TLE7: variants seen among roughly 807,000 people sequenced by gnomAD.
The protein encoded by TLE7 is TLE family member 7, also known as transducin-like enhancer protein 7.
chr16:71,440,402 C>A (rs1291542608), intron 1 of TLE7, among the ~76,000 whole-genome samples: 1 of 152,138 alleles, frequency 6.6e-6, no homozygotes, highest in African/African-American at 2.4e-5. Flanking sequence ...CACTTGAACC[C>A]AGGAGGCAGA....
chr16:71,431,169 G>A lies in TLE7; in HGVS notation c.1099C>T (p.Leu367Phe). ...HTRRNEQFKA[L>F]MKKYTRHHSL... ...TGGTGGCGGGTGTATTTTTTCATGA[G>A]AGCCTTAAACTGCTCATTCCGACGA... is the stretch of plus-strand genomic sequence containing the variant. The change falls in exon 8 of 10, where the codon CTC becomes TTC. Residue 367 changes from leucine to phenylalanine, a missense_variant. Transcript: ENST00000561754. This position sits in a 1 kb window ranked among gnomAD's most constrained non-coding sequence, Gnocchi z 4.5. 2.5e-6 allele frequency: 1 copy of A among 400,714 alleles called. No homozygotes were observed. The highest frequency in any genetic ancestry group is 3.6e-5 in the East Asian group (1 of 28,068). The allele number at this position is 400,714 out of a possible 1,614,324, so 24.8% of individuals were successfully genotyped here.
rs894964004 is a variant in TLE7, at chr16:71,430,271, G to C, written c.1317C>G (p.Leu439=). ...GSSSSATIYQ[L]LY ...CCATGGCATGCCACCTTTAATACAA[G>C]AGCTGGTAGATGGTGGCACTGCTGC... The change falls in exon 10 of 10, where the codon CTC becomes CTG. Residue 439 remains leucine (L), a synonymous_variant. Coordinates refer to ENST00000561754, the MANE Select transcript of TLE7 (RefSeq NM_001367365.2). The C allele has an allele frequency of 7.5e-5, 30 of 398,686 alleles. No individual in the cohort carries two copies. Among genetic ancestry groups the C allele is most frequent in the Middle Eastern group, 6.3e-4 (1 of 1,590 alleles). The allele number at this position is 398,686 out of a possible 1,614,324, so 24.7% of individuals were successfully genotyped here.
intron 1 of TLE7, 113 bp from the exon 2 acceptor site, chr16:71,433,533 C>T (rs557928070): frequency 2.6e-6 from 1 of 391,896 alleles, no homozygotes; most frequent in South Asian, 1.4e-4. Context: ...TGGTTGCCAA[C>T]TAGCTTTTCA....
intron 1 of TLE7, among the ~76,000 whole-genome samples, chr16:71,440,240 T>G (rs2145047967): frequency 6.6e-6 from 1 of 152,310 alleles, no homozygotes; most frequent in South Asian, 2.1e-4. Flanking sequence ...GGAATTCCTT[T>G]TGGGATGACA....
intron 1 of TLE7, among the ~76,000 whole-genome samples, chr16:71,438,424 CAAAA>C (rs11383356): frequency 2.4e-5 from 2 of 83,038 alleles, no homozygotes; most frequent in Non-Finnish European, 2.3e-5. Flanking sequence ...GACTCCATCT[CAAAA>C]AAAAAAAAAA....
chr16:71,437,509 T>G (rs1378877611), intron 1 of TLE7, among the ~76,000 whole-genome samples: 3 of 151,270 alleles, frequency 2.0e-5, no homozygotes, highest in Non-Finnish European at 3.0e-5. Flanking sequence ...TCAGTAGGCA[T>G]GGGTGGGGCC....
chr16:71,432,619 G>A (rs2042810604), intron 4 of TLE7, 46 bp downstream of exon 4: 2 of 398,800 alleles, frequency 5.0e-6, no homozygotes, highest in East Asian at 7.1e-5. Context: ...CTTGATTGGG[G>A]GTAGGTGGGA....
In TLE7 at chr16:71,431,203, G is replaced by T. The variant is rs1024712892; in HGVS notation, c.1065C>A (p.Phe355Leu). The T allele has an allele frequency of 7.5e-6, 3 of 400,528 alleles. No individual in the cohort carries two copies. The highest frequency in any genetic ancestry group is 1.3e-5 in the Non-Finnish European group (3 of 226,262). 24.8% of individuals were successfully genotyped at this position (400,528 alleles called of 1,614,324 possible). A position where few individuals can be genotyped will look rare whatever the true frequency, so the allele number is the denominator to read the frequency against. Residue 355 changes from phenylalanine (F) to leucine (L), a missense_variant, in exon 8 of 10, where the codon TTC becomes TTA. Transcript: ENST00000561754. The surrounding 1 kb of genome is among the most constrained non-coding windows in gnomAD (Gnocchi z 4.5). ...LAGLRTSDIV[F>L]LHTRRNEQFK... ...ACTGCTCATTCCGACGAGTGTGAAG[G>T]AACACGATATCACTCGTTCTCAGGC... is the stretch of plus-strand genomic sequence containing the variant.
intron 1 of TLE7, among the ~76,000 whole-genome samples, chr16:71,434,217 ATCAC>A (rs1444707419): frequency 1.3e-5 from 2 of 152,162 alleles, no homozygotes; most frequent in Non-Finnish European, 1.5e-5. Flanking sequence ...ACTGGATGCA[ATCAC>A]TCAAGTAGAA....
intron 1 of TLE7, among the ~76,000 whole-genome samples, chr16:71,440,494 A>G (rs2042843044): frequency 6.6e-6 from 1 of 151,950 alleles, no homozygotes; most frequent in Admixed American, 6.5e-5. Flanking sequence ...AAAAAAAAAT[A>G]GCTAAAGTGT....
chr16:71,430,758 C>A lies in TLE7; in HGVS notation c.1148-17G>T, dbSNP rs1461566604. 1 of 398,528 alleles carries A rather than the reference C, an allele frequency of 2.5e-6. No homozygotes were observed. The highest frequency in any genetic ancestry group is 2.1e-5 in the African/African-American group (1 of 48,734). The allele number at this position is 398,528 out of a possible 1,614,324, so 24.7% of individuals were successfully genotyped here. On this transcript the variant is annotated splice_polypyrimidine_tract_variant and intron_variant, in intron 8 of 9. Transcript: ENST00000561754. ...AATAGCTCCCTGGTGAAGGAACGAA[C>A]AGGTGAGAGGCCAGAGACCAATCCT...
At position 71,431,967 on chromosome 16, in the gene TLE7, G is replaced by C. The variant is rs553963009; in HGVS notation, c.645C>G (p.Phe215Leu). Reference protein sequence around the residue: ...PQDRVVTCKLFPDERSLITGG... With the variant: ...PQDRVVTCKLLPDERSLITGG... The stretch of plus-strand genomic sequence containing the variant: ...CTGTGATCAGGCTCCGCTCATCAGG[G>C]AACAGCTTGCAGGTAACAACACGGT... Residue 215 changes from phenylalanine to leucine, a missense_variant, in exon 6 of 10, where the codon TTC (phenylalanine) becomes TTG (leucine). Phe to Leu is a conservative substitution (Grantham distance 22). Transcript: ENST00000561754. The surrounding 1 kb of genome is among the most constrained non-coding windows in gnomAD (Gnocchi z 4.5). The C allele has an allele frequency of 1.5e-5, 6 of 400,780 alleles. No individual in the cohort carries two copies. The East Asian group carries it at 2.1e-4, about 14-fold the overall frequency. 24.8% of individuals were successfully genotyped at this position (400,780 alleles called of 1,614,324 possible).
At chr16:71,440,695 C>T (rs934286971) in intron 1 of TLE7, among the ~76,000 whole-genome samples, 1 of 152,178 alleles carries the variant, frequency 6.6e-6, no homozygotes, top group African/African-American at 2.4e-5. Context: ...GTGTCCCAGC[C>T]CGGAGGCTAT....
At chr16:71,437,350 GAAAAAA>G (rs57942255) in intron 1 of TLE7, among the ~76,000 whole-genome samples, 2 of 89,666 alleles carry the variant, frequency 2.2e-5, no homozygotes, top group Non-Finnish European at 4.4e-5. Flanking sequence ...CTCTGTCTCA[GAAAAAA>G]AAAAAAAAAA....
rs775692469 is a variant in TLE7 at position 71,432,147 on chromosome 16, G to A, written c.572C>T (p.Ala191Val). ...CTGGGCCCGAGGGGCCTTCTCCCCC[G>A]CATGCAGCGCACTCTCATCCCATAC... ...IRVWDESALH[A>V]GEKAPRAQLD... The change falls in exon 5 of 10, where the codon GCG (alanine) becomes GTG (valine). Residue 191 changes from alanine (A) to valine (V), a missense_variant. By Grantham distance (64) the Ala-to-Val change is moderately conservative. Transcript: ENST00000561754. 2.5e-5 allele frequency: 10 copies of A among 400,952 alleles called. No homozygotes were observed. Among genetic ancestry groups the A allele is most frequent in the East Asian group, 7.1e-5 (2 of 28,080 alleles). The allele number at this position is 400,952 out of a possible 1,614,324, so 24.8% of individuals were successfully genotyped here.
At chr16:71,434,008 G>A (rs2042817209) in intron 1 of TLE7, among the ~76,000 whole-genome samples, 1 of 152,096 alleles carries the variant, frequency 6.6e-6, no homozygotes, top group Non-Finnish European at 1.5e-5. Context: ...TCAAATGAGG[G>A]CTCATACCTA....
At position 71,430,958 on chromosome 16, in the gene TLE7, G is replaced by A. The variant is rs189467769; in HGVS notation, c.1147+163C>T. On this transcript the variant is annotated intron_variant, in intron 8 of 9. Coordinates refer to ENST00000561754, the MANE Select transcript of TLE7 (RefSeq NM_001367365.2). ...AACAACAGAAGGACAATCAGATAGG[G>A]TTCACGCCTCTTCAGTCTGCCTGAG... is the stretch of plus-strand genomic sequence containing the variant. Among the ~76,000 whole-genome samples, 48 of 152,238 alleles carry A rather than the reference G, an allele frequency of 3.2e-4. 1 individual carries two copies. The highest frequency in any genetic ancestry group is 1.2e-3 in the African/African-American group (48 of 41,534).
At chr16:71,430,599 C>A in intron 9 of TLE7, 69 bp downstream of exon 9, 1 of 398,124 alleles carries the variant, frequency 2.5e-6, no homozygotes, top group Non-Finnish European at 4.4e-6. Flanking sequence ...CCACTGGAAT[C>A]CAACCAACTG....
At chr16:71,439,601 G>C (rs1596987834) in intron 1 of TLE7, among the ~76,000 whole-genome samples, 2 of 152,206 alleles carry the variant, frequency 1.3e-5, no homozygotes, top group African/African-American at 4.8e-5. Context: ...CTGGGAACCA[G>C]CTAAAAGAAA....
Sources: allele counts gnomAD v4.1 joint callset (sites outside exome capture counted in the v4.1 genomes callset), GRCh38; gene constraint gnomAD v4.1.1; non-coding constraint Gnocchi (gnomAD v3.1); transcripts MANE v1.5; gene names NCBI Gene and HGNC (gene_info 2026-07-23, HGNC 2026-07-21).